Variants in EPHA7 observed in about 807,000 individuals in gnomAD.
EPHA7 encodes the protein EPH receptor A7, also known as ephrin type-A receptor 7.
EPHA7 carries 25 observed loss-of-function variants against 112.6 expected under a neutral mutation model. That is an observed-to-expected ratio of 0.22 (90% CI 0.16 to 0.31). The LOEUF is 0.31. EPHA7 is among the 10% of genes least tolerant of loss of function. EPHA7 has a pLI of 1.00. For missense variants in EPHA7, 962 were observed against 1,212.6 expected (o/e 0.79, Z 3.07); for synonymous variants, 437 against 406.5 (o/e 1.07, Z -0.90).
chr6:93,337,238 C>T (rs1281087378), intron 5 of EPHA7, among the ~76,000 whole-genome samples: 2 of 152,120 alleles, frequency 1.3e-5, no homozygotes, highest in African/African-American at 2.4e-5. Context: ...CAAAGATTAC[C>T]AGTGATCAAA....
chr6:93,315,638 A>G (rs1562091591), intron 5 of EPHA7, among the ~76,000 whole-genome samples: 1 of 152,168 alleles, frequency 6.6e-6, no homozygotes, highest in Non-Finnish European at 1.5e-5. Flanking sequence ...GTAGATGAAT[A>G]AGTGATTTGG....
At chr6:93,395,581 A>T (rs1333719408) in intron 3 of EPHA7, among the ~76,000 whole-genome samples, 1 of 145,012 alleles carries the variant, frequency 6.9e-6, no homozygotes, top group Non-Finnish European at 1.5e-5. Context: ...TATTTCACAC[A>T]CACACACACA....
At chr6:93,398,126 C>T (rs1778268795) in intron 3 of EPHA7, among the ~76,000 whole-genome samples, 1 of 151,950 alleles carries the variant, frequency 6.6e-6, no homozygotes, top group Non-Finnish European at 1.5e-5. Context: ...AATCTATCTT[C>T]CTGGCAGCAA....
At chr6:93,304,988 C>T (rs1457470628) in intron 5 of EPHA7, among the ~76,000 whole-genome samples, 2 of 152,024 alleles carry the variant, frequency 1.3e-5, no homozygotes, top group Non-Finnish European at 2.9e-5. Flanking sequence ...TTTCTACTTC[C>T]ATTCCTGTTT....
intron 1 of EPHA7, among the ~76,000 whole-genome samples, chr6:93,418,957 C>G (rs1424192689): frequency 1.3e-5 from 2 of 152,194 alleles, no homozygotes; most frequent in African/African-American, 4.8e-5. Context: ...TCCTCCAACC[C>G]CACCCCACCC....
Position 93,284,721 on chromosome 6 carries a change from T to C in EPHA7, c.1325-12299A>G, listed in dbSNP as rs537062832. Among the ~76,000 whole-genome samples the C allele has an allele frequency of 3.3e-5, 5 of 152,110 alleles. No homozygotes were observed. The East Asian group carries it at 9.7e-4, about 29-fold the overall frequency. ...GGGACATGGATGACACTGGAAACCA[T>C]CATTCTCAGAAAACTAACACAAGAA... is the stretch of plus-strand genomic sequence containing the variant. On this transcript the variant is annotated intron_variant, in intron 5 of 16. Transcript: ENST00000369303.
chr6:93,390,389 T>C (rs1398790632), intron 3 of EPHA7, among the ~76,000 whole-genome samples: 1 of 151,788 alleles, frequency 6.6e-6, no homozygotes, highest in African/African-American at 2.4e-5. Flanking sequence ...AACTGGCATA[T>C]TAACTACATA....
intron 5 of EPHA7, among the ~76,000 whole-genome samples, chr6:93,300,060 C>T (rs983565667): frequency 3.3e-5 from 5 of 152,074 alleles, no homozygotes; most frequent in African/African-American, 1.2e-4. Flanking sequence ...ATAATCTGTA[C>T]AACAAACCCC....
intron 14 of EPHA7, among the ~76,000 whole-genome samples, chr6:93,247,719 A>G (rs1770020795): frequency 6.6e-6 from 1 of 152,166 alleles, no homozygotes; most frequent in Non-Finnish European, 1.5e-5. Context: ...CTGCCTATCT[A>G]ATAGGCATAT....
intron 3 of EPHA7, among the ~76,000 whole-genome samples, chr6:93,371,631 T>C (rs1463686047): frequency 6.6e-6 from 1 of 152,218 alleles, no homozygotes; most frequent in Non-Finnish European, 1.5e-5. Context: ...TAGGAAATGA[T>C]GATAAAGTAA....
chr6:93,338,884 CATATCTCTAT>C (rs1185275374), intron 5 of EPHA7, among the ~76,000 whole-genome samples: 1 of 150,352 alleles, frequency 6.7e-6, no homozygotes, highest in Non-Finnish European at 1.5e-5. Context: ...ATACATATTA[CATATCTCTAT>C]ATATCTCTAT....
rs776903613 is a variant in EPHA7, at chr6:93,358,352, T to C, written c.892A>G (p.Thr298Ala). The C allele has an allele frequency of 4.9e-5, 79 of 1,613,052 alleles. 1 individual carries two copies. The Middle Eastern group carries it at 5.1e-3, about 104-fold the overall frequency. ...CCTTCTTTATCAGAAAAACTGTGAG[T>C]TGGACAACGAGAGCACTGAAGATCT... The part of the protein sequence containing the change: ...SQDLQCSRCP[T>A]HSFSDKEGSS... Residue 298 changes from threonine to alanine, a missense_variant, in exon 4 of 17, where the codon ACT becomes GCT. This residue lies in a region of EPHA7 where 746 missense variants were observed against 889.2 expected (regional missense o/e 0.84). Coordinates refer to ENST00000369303, the MANE Select transcript of EPHA7 (RefSeq NM_004440.4).
At chr6:93,357,102 A>AG (rs759472879) in intron 4 of EPHA7, 50 bp from the exon 5 acceptor site, 2 of 1,415,126 alleles carry the variant, frequency 1.4e-6, no homozygotes, top group Non-Finnish European at 1.9e-6. Context: ...AGAAAAAAAA[A>AG]CATACAAACA....
chr6:93,392,436 G>T (rs986308728), intron 3 of EPHA7, among the ~76,000 whole-genome samples: 1 of 152,014 alleles, frequency 6.6e-6, no homozygotes, highest in East Asian at 1.9e-4. Flanking sequence ...TTTCCCTCCA[G>T]ATCGACACAA....
At chr6:93,286,016 C>T (rs1772043927) in intron 5 of EPHA7, among the ~76,000 whole-genome samples, 2 of 152,130 alleles carry the variant, frequency 1.3e-5, no homozygotes, top group South Asian at 4.1e-4. Context: ...AAAACATGGC[C>T]TGCAGGATGT....
At chr6:93,395,339 T>C (rs573387475) in intron 3 of EPHA7, among the ~76,000 whole-genome samples, 2 of 151,906 alleles carry the variant, frequency 1.3e-5, no homozygotes, top group African/African-American at 4.8e-5. Context: ...CTTGGAAATT[T>C]ACAGCTTTTA....
At chr6:93,407,219 C>T (rs937496795) in intron 3 of EPHA7, among the ~76,000 whole-genome samples, 6 of 152,018 alleles carry the variant, frequency 3.9e-5, no homozygotes, top group Admixed American at 3.3e-4. Context: ...TGGGCTGCTA[C>T]TTCAAAATGT....
At position 93,419,252 on chromosome 6, in the gene EPHA7, C is replaced by A; in HGVS notation, c.90G>T (p.Ala30=). 1 of 1,613,320 alleles carries A rather than the reference C, an allele frequency of 6.2e-7. No individual in the cohort carries two copies. The highest frequency in any genetic ancestry group is 1.3e-5 in the African/African-American group (1 of 75,022). ...RFAHTGEAQA[A]KEVLLLDSKA... ...GCTTTCCCATCACCTTACCTTCCTTCGCAGCCTGCGCCTCCCCTGTGTGTG... is the reference window on the plus strand; with the variant it reads ...GCTTTCCCATCACCTTACCTTCCTTAGCAGCCTGCGCCTCCCCTGTGTGTG... Residue 30 remains alanine (A), a synonymous_variant, in exon 1 of 17, where the codon GCG becomes GCT. Transcript: ENST00000369303.
intron 3 of EPHA7, among the ~76,000 whole-genome samples, chr6:93,387,384 G>A (rs1160966825): frequency 2.6e-5 from 4 of 151,938 alleles, no homozygotes; most frequent in East Asian, 1.9e-4. Context: ...TTGGCATTTC[G>A]GTCAAAGCCA....
Sources: gnomAD v4.1 joint callset for allele counts (sites outside exome capture counted in the v4.1 genomes callset) on GRCh38, gnomAD v4.1.1 for gene constraint, gnomAD v4.1.1 regional missense constraint, MANE v1.5 for transcripts, NCBI Gene and HGNC (gene_info 2026-07-23, HGNC 2026-07-21) for gene names.